FUT8: variants seen among roughly 807,000 people sequenced by gnomAD.
FUT8 encodes the protein alpha-(1,6)-fucosyltransferase.
In FUT8, 29 loss-of-function variants were observed where a neutral mutation model predicts 71.3. The ratio of observed to expected loss-of-function variants is 0.41; its 90% confidence interval spans 0.30 to 0.55. The LOEUF (loss-of-function observed/expected upper bound fraction) is 0.55, where lower values mean the gene tolerates loss of function less well. Among genes scored for constraint, FUT8 ranks in the 20% least tolerant of loss-of-function variants. The pLI, the probability that FUT8 is intolerant of heterozygous loss-of-function variation, is 0.34. For missense variants in FUT8, 544 were observed against 702.1 expected, an observed-to-expected ratio of 0.77 and a Z score of 2.55; for synonymous variants, 254 against 239.3, an observed-to-expected ratio of 1.06 and a Z score of -0.57.
intron 2 of FUT8, among the ~76,000 whole-genome samples, chr14:65,470,339 A>G (rs2066121964): frequency 6.6e-6 from 1 of 151,970 alleles, no homozygotes. Flanking sequence ...CTGCAGCTGT[A>G]TGGGGTTGGG....
intron 2 of FUT8, among the ~76,000 whole-genome samples, chr14:65,545,262 A>T (rs927675901): frequency 6.6e-6 from 1 of 152,090 alleles, no homozygotes; most frequent in African/African-American, 2.4e-5. Flanking sequence ...ATATTTAGTT[A>T]AAAAATGAAT....
At chr14:65,708,477 T>C (rs1415746127) in intron 7 of FUT8, among the ~76,000 whole-genome samples, 1 of 152,238 alleles carries the variant, frequency 6.6e-6, no homozygotes, top group African/African-American at 2.4e-5. Context: ...TCCATGAACA[T>C]GGTACATCTT....
chr14:65,699,204 A>C (rs1894161496), intron 7 of FUT8, among the ~76,000 whole-genome samples: 1 of 149,432 alleles, frequency 6.7e-6, no homozygotes, highest in Non-Finnish European at 1.5e-5. Flanking sequence ...ACACACGCCC[A>C]TGCAGAAACA....
intron 3 of FUT8, among the ~76,000 whole-genome samples, chr14:65,601,997 C>T (rs1172100564): frequency 1.3e-5 from 2 of 151,132 alleles, no homozygotes; most frequent in African/African-American, 4.9e-5. Flanking sequence ...TTTTTATATC[C>T]GTAAGTTTTT....
intron 1 of FUT8, among the ~76,000 whole-genome samples, chr14:65,444,320 T>C (rs1274769391): frequency 1.3e-5 from 2 of 152,174 alleles, no homozygotes; most frequent in African/African-American, 4.8e-5. Flanking sequence ...CTGACAGAGA[T>C]ACAGAGCAAC....
chr14:65,605,919 T>G (rs913747614), intron 3 of FUT8, among the ~76,000 whole-genome samples: 1 of 151,930 alleles, frequency 6.6e-6, no homozygotes, highest in Admixed American at 6.6e-5. Flanking sequence ...ATATACTTTG[T>G]ACATTTTTCT....
At chr14:65,715,872 G>A (rs1895028807) in intron 7 of FUT8, among the ~76,000 whole-genome samples, 1 of 151,792 alleles carries the variant, frequency 6.6e-6, no homozygotes, top group Non-Finnish European at 1.5e-5. Flanking sequence ...AGCTACTCAG[G>A]AGGCTGAGGT....
chr14:65,570,496 C>G (rs982566146), intron 3 of FUT8, among the ~76,000 whole-genome samples: 1 of 151,706 alleles, frequency 6.6e-6, no homozygotes, highest in Non-Finnish European at 1.5e-5. Flanking sequence ...CTGTATTCTA[C>G]TTATAACTAC....
the FUT8 span, among the ~76,000 whole-genome samples, chr14:65,371,708 T>G: frequency 1.3e-5 from 2 of 152,230 alleles, no homozygotes; most frequent in African/African-American, 4.8e-5. Context: ...CATCATTCTT[T>G]AAGCACTTTC....
chr14:65,438,793 GA>G (rs1325168511), intron 1 of FUT8, among the ~76,000 whole-genome samples: 3 of 152,114 alleles, frequency 2.0e-5, no homozygotes, highest in Non-Finnish European at 2.9e-5. Context: ...CTAAGTCCCT[GA>G]ATTCTCTTGC....
At chr14:65,462,918 C>G (rs974497755) in intron 2 of FUT8, among the ~76,000 whole-genome samples, 2 of 152,126 alleles carry the variant, frequency 1.3e-5, no homozygotes, top group African/African-American at 4.8e-5. Flanking sequence ...AAACCATATA[C>G]CAGGGGGAGA....
chr14:65,679,734 A>AC (rs146413468), intron 7 of FUT8, among the ~76,000 whole-genome samples: 2,697 of 152,286 alleles, frequency 0.018, 79 homozygotes, highest in African/African-American at 0.061. Flanking sequence ...TGTAAAAATT[A>AC]TTTTTACTGC....
chr14:65,451,410 C>G (rs1422209822), intron 1 of FUT8, among the ~76,000 whole-genome samples: 2 of 152,210 alleles, frequency 1.3e-5, no homozygotes, highest in Non-Finnish European at 2.9e-5. Flanking sequence ...GGAGCGGGTG[C>G]CTGCGACTAT....
At chr14:65,592,679 T>C (rs1887755861) in intron 3 of FUT8, among the ~76,000 whole-genome samples, 1 of 152,212 alleles carries the variant, frequency 6.6e-6, no homozygotes, top group Admixed American at 6.5e-5. Flanking sequence ...TTAGAAGTTT[T>C]CATGCATATT....
chr14:65,576,208 A>C (rs1226565673), intron 3 of FUT8, among the ~76,000 whole-genome samples: 1 of 152,090 alleles, frequency 6.6e-6, no homozygotes, highest in African/African-American at 2.4e-5. Context: ...TTTCTTTTTC[A>C]ATGGCTTCCA....
In FUT8 at chr14:65,738,941, G is replaced by A. The variant is rs28704185; in HGVS notation, c.1411-3152G>A. Among the ~76,000 whole-genome samples, 487 of 152,212 alleles carry A rather than the reference G, an allele frequency of 3.2e-3. 3 individuals carry two copies. Among genetic ancestry groups the A allele is most frequent in the African/African-American group, 0.011 (473 of 41,542 alleles). On this transcript the variant is annotated intron_variant, in intron 10 of 10. Transcript: ENST00000673929. ...ATACTTATTGAGCACGTACTTTGTG[G>A]CAGGCATTGTTCTAGGTGTTTATCC...
chr14:65,565,052 G>A (rs1886117939), intron 3 of FUT8, among the ~76,000 whole-genome samples: 1 of 151,934 alleles, frequency 6.6e-6, no homozygotes, highest in Admixed American at 6.6e-5. Context: ...CATCTGGTGA[G>A]GGCCTGAGGC....
chr14:65,580,056 G>A (rs1886993028), intron 3 of FUT8, among the ~76,000 whole-genome samples: 1 of 124,942 alleles, frequency 8.0e-6, no homozygotes, highest in South Asian at 2.7e-4. Context: ...TCAAAATACT[G>A]ATAGTGCTAT....
At chr14:65,455,978 CAAGTTGTGGTTG>C in intron 2 of FUT8, among the ~76,000 whole-genome samples, 1 of 152,258 alleles carries the variant, frequency 6.6e-6, no homozygotes, top group Middle Eastern at 3.4e-3. Flanking sequence ...CTGGATAAAA[CAAGTTGTGGTTG>C]AATGCGGTAC....
Sources: allele counts gnomAD v4.1 joint callset (sites outside exome capture counted in the v4.1 genomes callset), GRCh38; gene constraint gnomAD v4.1.1; transcripts MANE v1.5; gene names NCBI Gene and HGNC (gene_info 2026-07-23, HGNC 2026-07-21).